Variants in FGD4 observed in about 807,000 individuals in gnomAD.
FGD4 encodes FYVE, RhoGEF and PH domain-containing protein 4.
FGD4 carries 42 observed loss-of-function variants against 102.0 expected under a neutral mutation model. The ratio of observed to expected loss-of-function variants is 0.41; its 90% confidence interval spans 0.32 to 0.53. The LOEUF is 0.53. Ranked by LOEUF, FGD4 falls within the 20% of genes least tolerant of loss-of-function variation. The pLI, the probability that FGD4 is intolerant of heterozygous loss-of-function variation, is 0.21. For missense variants in FGD4, 902 were observed against 1,078.2 expected (o/e 0.84, Z 2.29); for synonymous variants, 380 against 375.7 (o/e 1.01, Z -0.13).
chr12:32,554,234 T>C (rs1241784442), intron 1 of FGD4, among the ~76,000 whole-genome samples: 1 of 152,200 alleles, frequency 6.6e-6, no homozygotes, highest in Non-Finnish European at 1.5e-5. Flanking sequence ...GAAAAAATTA[T>C]TTGGGTATGT....
chr12:32,483,877 T>C (rs1293607752), intron 1 of FGD4, among the ~76,000 whole-genome samples: 1 of 152,164 alleles, frequency 6.6e-6, no homozygotes, highest in Non-Finnish European at 1.5e-5. Flanking sequence ...CCACAGTATA[T>C]GAACATACTG....
chr12:32,428,934 T>A (rs182519958), intron 1 of FGD4, among the ~76,000 whole-genome samples: 1 of 152,342 alleles, frequency 6.6e-6, no homozygotes, highest in East Asian at 1.9e-4. Flanking sequence ...TCTAACCTTT[T>A]TTCAAGGTTC....
At chr12:32,427,242 C>T (rs914833973) in intron 1 of FGD4, among the ~76,000 whole-genome samples, 7 of 152,194 alleles carry the variant, frequency 4.6e-5, no homozygotes, top group Non-Finnish European at 7.3e-5. Context: ...TTAGCTGCAT[C>T]GCAGAGATTC....
intron 4 of FGD4, among the ~76,000 whole-genome samples, chr12:32,593,626 G>T (rs1233494524): frequency 6.6e-6 from 1 of 152,202 alleles, no homozygotes; most frequent in East Asian, 1.9e-4. Context: ...TCCTATTTAA[G>T]ATCCTGTAGG....
In FGD4 at chr12:32,638,745, G is replaced by A. The variant is rs768786804; in HGVS notation, c.2404G>A (p.Val802Met). Residue 802 changes from valine to methionine, a missense_variant, in exon 16 of 17, where the codon GTG becomes ATG. Physicochemically the swap from Val to Met is conservative, Grantham distance 21. Around this residue, in one of 2 missense-constraint regions of FGD4, gnomAD observed 459 missense variants for 619.0 expected, o/e 0.74. Coordinates refer to ENST00000534526, the MANE Select transcript of FGD4 (RefSeq NM_001370298.3). ...KSKPWQKAWCVIPKQDPLVLY... is the reference protein window; with the variant it reads ...KSKPWQKAWCMIPKQDPLVLY... ...AAAACCTTGGCAGAAAGCTTGGTGT[G>A]TGATCCCCAAGCAAGACCCTCTTGT... 24 of 1,614,164 alleles carry A rather than the reference G, an allele frequency of 1.5e-5. No individual in the cohort carries two copies. The highest frequency in any genetic ancestry group is 1.9e-5 in the Non-Finnish European group (23 of 1,180,016).
chr12:32,462,883 A>G (rs1485567117), intron 1 of FGD4, among the ~76,000 whole-genome samples: 1 of 152,234 alleles, frequency 6.6e-6, no homozygotes, highest in Admixed American at 6.5e-5. Context: ...AAGAAAATGC[A>G]GTGTAAGTAC....
At chr12:32,456,076 A>C (rs920496421) in intron 1 of FGD4, among the ~76,000 whole-genome samples, 4 of 152,202 alleles carry the variant, frequency 2.6e-5, no homozygotes, top group Non-Finnish European at 5.9e-5. Context: ...TAACAGCTGA[A>C]GATATCTTTT....
At chr12:32,414,402 G>T (rs932957911) in intron 1 of FGD4, among the ~76,000 whole-genome samples, 2 of 152,062 alleles carry the variant, frequency 1.3e-5, no homozygotes, top group Non-Finnish European at 2.9e-5. Flanking sequence ...GGAAAATGGG[G>T]TAACCATCCT....
intron 1 of FGD4, among the ~76,000 whole-genome samples, chr12:32,499,226 TC>T (rs1022484978): frequency 1.3e-4 from 20 of 152,360 alleles, no homozygotes; most frequent in African/African-American, 4.6e-4. Context: ...ATTATCAGGC[TC>T]CTGCTTCCAA....
In FGD4 at chr12:32,526,330, A is replaced by G. The variant is rs1428760638; in HGVS notation, c.167-37807A>G. ...ATACACCAATCGGCACTCTGTATCTAGCTCAAGGTTTGTAAACACACCAAT... is the reference window on the plus strand; with the variant it reads ...ATACACCAATCGGCACTCTGTATCTGGCTCAAGGTTTGTAAACACACCAAT... On this transcript the variant is annotated intron_variant, in intron 1 of 16. Coordinates refer to ENST00000534526, the MANE Select transcript of FGD4 (RefSeq NM_001370298.3). Among the ~76,000 whole-genome samples the G allele has an allele frequency of 3.3e-5, 5 of 152,194 alleles. No individual in the cohort carries two copies. In the East Asian group the frequency reaches 9.6e-4, roughly 29 times the overall value.
At position 32,632,489 on chromosome 12, in the gene FGD4, G is replaced by C. The variant is rs148969348; in HGVS notation, c.2173-1060G>C. On this transcript the variant is annotated intron_variant, in intron 14 of 16. Coordinates refer to ENST00000534526, the MANE Select transcript of FGD4 (RefSeq NM_001370298.3). Reference sequence around the variant, plus strand: ...CGTTAAGTTAACTCAGTGAAGGAGAGAGGAGAGAGGCAGGGAGCATGGCCT... The same window carrying C: ...CGTTAAGTTAACTCAGTGAAGGAGACAGGAGAGAGGCAGGGAGCATGGCCT... Among the ~76,000 whole-genome samples, 575 of 152,218 alleles carry C rather than the reference G, an allele frequency of 3.8e-3. 3 individuals carry two copies. Among genetic ancestry groups the C allele is most frequent in the African/African-American group, 0.013 (546 of 41,546 alleles).
intron 13 of FGD4, among the ~76,000 whole-genome samples, chr12:32,625,269 C>CTTTT (rs374139685): frequency 1.7e-5 from 2 of 119,906 alleles, no homozygotes; most frequent in South Asian, 2.7e-4. Flanking sequence ...TTTTCTTATT[C>CTTTT]TTTTTTTTTT....
intron 1 of FGD4, among the ~76,000 whole-genome samples, chr12:32,525,816 G>A (rs1406135966): frequency 6.6e-6 from 1 of 152,242 alleles, no homozygotes. Flanking sequence ...TTAGCACCCG[G>A]GCCAGTGGCT....
In FGD4 at chr12:32,625,704, G is replaced by A; in HGVS notation, c.2097G>A (p.Val699=). ...CAAGATGGATCCGAGATAATGAAGT[G>A]ACAATGTGTATGAAATGTAAAGAAC... The part of the protein sequence containing the change: ...RAPRWIRDNE[V]TMCMKCKEPF... The change falls in exon 14 of 17, where the codon GTG becomes GTA. Residue 699 remains valine (V), a synonymous_variant. Coordinates refer to ENST00000534526, the MANE Select transcript of FGD4 (RefSeq NM_001370298.3). The A allele has an allele frequency of 6.2e-7, 1 of 1,613,982 alleles. No homozygotes were observed. Among genetic ancestry groups the A allele is most frequent in the South Asian group, 1.1e-5 (1 of 91,068 alleles).
At chr12:32,513,651 G>A (rs138834272) in intron 1 of FGD4, among the ~76,000 whole-genome samples, 3 of 152,328 alleles carry the variant, frequency 2.0e-5, no homozygotes, top group South Asian at 2.1e-4. Context: ...TTGAGAAATT[G>A]TAGGAGTAAA....
intron 1 of FGD4, among the ~76,000 whole-genome samples, chr12:32,519,864 T>C (rs1232408889): frequency 2.0e-5 from 3 of 152,138 alleles, no homozygotes; most frequent in Non-Finnish European, 4.4e-5. Flanking sequence ...GGAGAATCAC[T>C]TGAACCCAGG....
chr12:32,417,822 A>T (rs1444363843), intron 1 of FGD4, among the ~76,000 whole-genome samples: 3 of 151,844 alleles, frequency 2.0e-5, no homozygotes, highest in Non-Finnish European at 4.4e-5. Context: ...CATTTATCTG[A>T]TAGAATTATC....
At chr12:32,532,612 A>G (rs1440834274) in intron 1 of FGD4, among the ~76,000 whole-genome samples, 5 of 151,922 alleles carry the variant, frequency 3.3e-5, no homozygotes, top group Admixed American at 1.3e-4. Context: ...CAAACCTGAG[A>G]TTACAATTTA....
chr12:32,406,676 T>G (rs1248261990), intron 1 of FGD4, among the ~76,000 whole-genome samples: 1 of 152,230 alleles, frequency 6.6e-6, no homozygotes, highest in Non-Finnish European at 1.5e-5. Flanking sequence ...TCTGATGATC[T>G]GCTTGGCTTC....
Sources: gnomAD v4.1 joint callset for allele counts (sites outside exome capture counted in the v4.1 genomes callset) on GRCh38, gnomAD v4.1.1 for gene constraint, gnomAD v4.1.1 regional missense constraint, MANE v1.5 for transcripts, NCBI Gene and HGNC (gene_info 2026-07-23, HGNC 2026-07-21) for gene names.